Variants in MYO1B observed in about 807,000 individuals in gnomAD.
MYO1B encodes myosin IB.
MYO1B carries 72 observed loss-of-function variants against 159.7 expected under a neutral mutation model. That is an observed-to-expected ratio of 0.45 (90% CI 0.37 to 0.55). MYO1B has a LOEUF of 0.55. MYO1B is among the 20% of genes least tolerant of loss of function. MYO1B has a pLI of 0.00. For missense variants in MYO1B, 1,062 were observed against 1,364.8 expected (o/e 0.78, Z 3.50); for synonymous variants, 468 against 473.8 (o/e 0.99, Z 0.16).
intron 4 of MYO1B, among the ~76,000 whole-genome samples, chr2:191,333,281 T>C (rs1190431047): frequency 6.6e-6 from 1 of 152,204 alleles, no homozygotes; most frequent in Non-Finnish European, 1.5e-5. Flanking sequence ...ATTTACTGCC[T>C]GTCTGACATC....
chr2:191,423,871 G>A lies in MYO1B; in HGVS notation c.3322G>A (p.Val1108Met). The A allele has an allele frequency of 6.2e-7, 1 of 1,614,024 alleles. No individual in the cohort carries two copies. Among genetic ancestry groups the A allele is most frequent in the Non-Finnish European group, 8.5e-7 (1 of 1,179,912 alleles). Residue 1108 changes from valine to methionine, a missense_variant, in exon 31 of 31, where the codon GTG becomes ATG. By Grantham distance (21) the Val-to-Met change is conservative. Around this residue, in one of 5 missense-constraint regions of MYO1B, gnomAD observed 609 missense variants for 744.4 expected, o/e 0.82. Transcript: ENST00000392318. ...LVQFRQDKVC[V>M]KFIQGNQKNG... Reference sequence around the variant, plus strand: ...ACAGTTCAGACAGGACAAAGTATGTGTGAAGTTTATTCAGGGAAACCAGAA... The same window carrying A: ...ACAGTTCAGACAGGACAAAGTATGTATGAAGTTTATTCAGGGAAACCAGAA...
intron 2 of MYO1B, among the ~76,000 whole-genome samples, chr2:191,285,116 C>T (rs1340459829): frequency 6.6e-6 from 1 of 152,124 alleles, no homozygotes; most frequent in Non-Finnish European, 1.5e-5. Context: ...TAAATATTAT[C>T]CCTTTAATAC....
rs1023877479 is a variant in MYO1B, at chr2:191,400,576, G to T, written c.2382+108G>T. 4 of 1,382,222 alleles carry T rather than the reference G, an allele frequency of 2.9e-6. No homozygotes were observed. In the African/African-American group the frequency reaches 5.7e-5, roughly 20 times the overall value. 85.6% of individuals were successfully genotyped at this position (1,382,222 alleles called of 1,614,324 possible). A position where few individuals can be genotyped will look rare whatever the true frequency, so the allele number is the denominator to read the frequency against. ...ATGTTTCACTGGCTTGAGCTACTGAGCACGTGTTTGCTTCTTGCTCTTTCC... is the reference window on the plus strand; with the variant it reads ...ATGTTTCACTGGCTTGAGCTACTGATCACGTGTTTGCTTCTTGCTCTTTCC... On this transcript the variant is annotated intron_variant, in intron 22 of 30. Coordinates refer to ENST00000392318, the MANE Select transcript of MYO1B (RefSeq NM_001130158.3).
At chr2:191,253,540 G>A (rs1333996126) in intron 1 of MYO1B, among the ~76,000 whole-genome samples, 1 of 150,612 alleles carries the variant, frequency 6.6e-6, no homozygotes, top group African/African-American at 2.4e-5. Flanking sequence ...CTCAGGTTGC[G>A]CTTGTTCTTC....
chr2:191,255,676 T>C (rs1686397391), intron 1 of MYO1B, among the ~76,000 whole-genome samples: 1 of 152,126 alleles, frequency 6.6e-6, no homozygotes, highest in Non-Finnish European at 1.5e-5. Flanking sequence ...AAAGTGAAGG[T>C]ATTTATTTTT....
intron 26 of MYO1B, among the ~76,000 whole-genome samples, chr2:191,409,501 C>T (rs1697135016): frequency 6.6e-6 from 1 of 152,188 alleles, no homozygotes. Flanking sequence ...TAAAGGAATA[C>T]TGTAGGACAG....
At chr2:191,308,171 C>T (rs1048258073) in intron 3 of MYO1B, among the ~76,000 whole-genome samples, 2 of 152,048 alleles carry the variant, frequency 1.3e-5, no homozygotes, top group African/African-American at 2.4e-5. Context: ...CAGGTATGGG[C>T]GAAAGGGACT....
In MYO1B at chr2:191,408,167, A is replaced by G. The variant is rs369713692; in HGVS notation, c.2609A>G (p.Tyr870Cys). The G allele has an allele frequency of 3.1e-6, 5 of 1,613,184 alleles. No individual in the cohort carries two copies. Among genetic ancestry groups the G allele is most frequent in the Admixed American group, 1.7e-5 (1 of 60,018 alleles). The change falls in exon 25 of 31, where the codon TAT (tyrosine) becomes TGT (cysteine). Residue 870 changes from tyrosine to cysteine, a missense_variant. Physicochemically the swap from Tyr to Cys is radical, Grantham distance 194. This residue lies in a region of MYO1B where 609 missense variants were observed against 744.4 expected (regional missense o/e 0.82). Transcript: ENST00000392318. ...FFRANAGKKI[Y>C]EFTLQRIVQK... ...AGAGCCAATGCTGGAAAGAAAATCT[A>G]TGAGTTTACGCTTCAGAGAATTGTA...
chr2:191,284,443 G>C (rs946680791), intron 2 of MYO1B, among the ~76,000 whole-genome samples: 3 of 152,182 alleles, frequency 2.0e-5, no homozygotes, highest in African/African-American at 7.2e-5. Context: ...TGTGACCACT[G>C]TAAGGAATAG....
At chr2:191,335,524 A>G (rs1691771798) in intron 4 of MYO1B, among the ~76,000 whole-genome samples, 1 of 152,198 alleles carries the variant, frequency 6.6e-6, no homozygotes, top group South Asian at 2.1e-4. Flanking sequence ...GTTTCATCTC[A>G]GTTTTGAGCA....
intron 26 of MYO1B, among the ~76,000 whole-genome samples, chr2:191,410,044 C>T (rs1056954060): frequency 3.3e-5 from 5 of 152,124 alleles, no homozygotes; most frequent in African/African-American, 1.2e-4. Flanking sequence ...TAAGTGGTAC[C>T]ATACAACATA....
rs1697548936 is a variant in MYO1B at position 191,416,135 on chromosome 2, A to G, written c.3180A>G (p.Lys1060=). 6.2e-7 allele frequency: 1 copy of G among 1,614,040 alleles called. No individual in the cohort carries two copies. The highest frequency in any genetic ancestry group is 1.7e-5 in the Admixed American group (1 of 60,004). The stretch of plus-strand genomic sequence containing the variant: ...TGCAGGGCTCAGAAGCAGCTAGTAA[A>G]GGAGACTTTCTCTTCAGCAGTGATC... The part of the protein sequence containing the change: ...HLKEGSEAAS[K]GDFLFSSDHL... Residue 1060 remains lysine (K), a synonymous_variant, in exon 30 of 31, where the codon AAA becomes AAG. Coordinates refer to ENST00000392318, the MANE Select transcript of MYO1B (RefSeq NM_001130158.3).
At chr2:191,310,390 A>G in intron 3 of MYO1B, among the ~76,000 whole-genome samples, 1 of 151,948 alleles carries the variant, frequency 6.6e-6, no homozygotes, top group Non-Finnish European at 1.5e-5. Flanking sequence ...TTTAGTAGAG[A>G]TGGGGTTTCA....
chr2:191,317,116 G>C (rs1690402546), intron 3 of MYO1B, among the ~76,000 whole-genome samples: 2 of 152,166 alleles, frequency 1.3e-5, no homozygotes, highest in South Asian at 4.1e-4. Context: ...AGCCATGATG[G>C]AGGGAGAGCC....
At chr2:191,337,561 G>T (rs1325119082) in intron 4 of MYO1B, among the ~76,000 whole-genome samples, 1 of 152,128 alleles carries the variant, frequency 6.6e-6, no homozygotes, top group South Asian at 2.1e-4. Context: ...TTTCTGATGA[G>T]AAGAGATTTT....
At chr2:191,402,341 GA>G in intron 23 of MYO1B, 1 of 399,284 alleles carries the variant, frequency 2.5e-6, no homozygotes, top group East Asian at 5.5e-5. Context: ...CGAACAGAGA[GA>G]GAGAACAGGA....
At chr2:191,353,530 A>G (rs887377689) in intron 7 of MYO1B, among the ~76,000 whole-genome samples, 2 of 152,224 alleles carry the variant, frequency 1.3e-5, no homozygotes, top group African/African-American at 4.8e-5. Flanking sequence ...TCTTGTTCAC[A>G]TTACCTTATC....
chr2:191,307,185 G>A lies in MYO1B; in HGVS notation c.251+10959G>A, dbSNP rs139420401. On this transcript the variant is annotated intron_variant, in intron 3 of 30. Coordinates refer to ENST00000392318, the MANE Select transcript of MYO1B (RefSeq NM_001130158.3). ...TAAACAAGGTGTGGATTTTTCATGT[G>A]TTTTCCGGGAAAGGGATGGGCAATT... Among the ~76,000 whole-genome samples, 112 of 150,814 alleles carry A rather than the reference G, an allele frequency of 7.4e-4. 1 individual carries two copies. The highest frequency in any genetic ancestry group is 3.6e-3 in the Middle Eastern group (1 of 280).
intron 1 of MYO1B, among the ~76,000 whole-genome samples, chr2:191,271,394 C>T (rs1473674202): frequency 6.6e-6 from 1 of 152,166 alleles, no homozygotes; most frequent in Non-Finnish European, 1.5e-5. Flanking sequence ...TTCCTTTAGG[C>T]TGGGTGCAGT....
Sources: allele counts gnomAD v4.1 joint callset (sites outside exome capture counted in the v4.1 genomes callset), GRCh38; gene constraint gnomAD v4.1.1; regional missense constraint gnomAD v4.1.1; transcripts MANE v1.5; gene names NCBI Gene and HGNC (gene_info 2026-07-23, HGNC 2026-07-21).